ADCY3: variants seen among roughly 807,000 people sequenced by gnomAD.
ADCY3 encodes adenylate cyclase type 3.
Under a neutral mutation model 119.4 loss-of-function variants are expected in ADCY3, and 70 were observed. The ratio of observed to expected loss-of-function variants is 0.59; its 90% CI spans 0.48 to 0.72. The LOEUF is 0.72. Ranked by LOEUF, ADCY3 falls within the 30% of genes least tolerant of loss-of-function variation. The probability of loss-of-function intolerance (pLI) is 0.00; values close to 1 mark genes in which losing one functional copy is unlikely to be tolerated. For synonymous variants in ADCY3, 672 were observed against 621.4 expected, an observed-to-expected ratio of 1.08 and a Z score of -1.21; for missense variants, 1,238 against 1,541.6, an observed-to-expected ratio of 0.80 and a Z score of 3.30.
At chr2:24,896,468 C>CT (rs371582122) in intron 2 of ADCY3, among the ~76,000 whole-genome samples, 35 of 151,166 alleles carry the variant, frequency 2.3e-4, no homozygotes, top group African/African-American at 8.0e-4. Flanking sequence ...CTATTGACCA[C>CT]TTTTTTTTTG....
chr2:24,868,806 G>C (rs1036115167), intron 3 of ADCY3, among the ~76,000 whole-genome samples: 3 of 151,988 alleles, frequency 2.0e-5, no homozygotes, highest in Non-Finnish European at 4.4e-5. Context: ...CACAAGGTCA[G>C]GAGATGGAGA....
intron 2 of ADCY3, among the ~76,000 whole-genome samples, chr2:24,880,058 C>A (rs1441638426): frequency 6.6e-6 from 1 of 152,222 alleles, no homozygotes; most frequent in Non-Finnish European, 1.5e-5. Context: ...GTGCTGCTGC[C>A]ATGCCCTTCC....
At chr2:24,839,286 G>C (rs1271718803) in intron 7 of ADCY3, among the ~76,000 whole-genome samples, 2 of 152,180 alleles carry the variant, frequency 1.3e-5, no homozygotes, top group Non-Finnish European at 1.5e-5. Flanking sequence ...CTGCTGCCAA[G>C]AGATAATAAA....
At chr2:24,823,101 T>G in intron 18 of ADCY3, 108 bp downstream of exon 18, 3 of 1,373,898 alleles carry the variant, frequency 2.2e-6, no homozygotes, top group Middle Eastern at 5.3e-4. Context: ...GGAAGGGGCT[T>G]ATCTGGGAAA....
At position 24,824,452 on chromosome 2, in the gene ADCY3, T is replaced by G; in HGVS notation, c.2662A>C (p.Asn888His). Residue 888 changes from asparagine to histidine, a missense_variant, in exon 17 of 22, where the codon AAC becomes CAC. Transcript: ENST00000679454. ...KERVYEMRRWNEALVTNMLPE... is the reference protein window; with the variant it reads ...KERVYEMRRWHEALVTNMLPE... ...AACATGTTGGTGACCAAGGCCTCGT[T>G]CCAGCGTCGCATCTCATAGACACGT... 1 of 1,614,264 alleles carries G rather than the reference T, an allele frequency of 6.2e-7. No individual in the cohort carries two copies. Among genetic ancestry groups the G allele is most frequent in the Non-Finnish European group, 8.5e-7 (1 of 1,180,050 alleles).
chr2:24,845,823 G>A (rs766177595), intron 3 of ADCY3, among the ~76,000 whole-genome samples: 1 of 152,196 alleles, frequency 6.6e-6, no homozygotes, highest in South Asian at 2.1e-4. Context: ...AAGTAGTTTC[G>A]TGGGCCAGGC....
At chr2:24,916,167 GT>G (rs1401166287) in intron 2 of ADCY3, among the ~76,000 whole-genome samples, 1 of 152,146 alleles carries the variant, frequency 6.6e-6, no homozygotes, top group African/African-American at 2.4e-5. Context: ...TGTTTTCTAA[GT>G]TTTAGGGTTT....
At chr2:24,840,450 G>T in intron 6 of ADCY3, 1 of 399,144 alleles carries the variant, frequency 2.5e-6, no homozygotes, top group South Asian at 1.9e-5. Context: ...GAGAATGTTA[G>T]AGTTCCTGGA....
At chr2:24,896,103 G>A (rs1032691667) in intron 2 of ADCY3, among the ~76,000 whole-genome samples, 8 of 151,950 alleles carry the variant, frequency 5.3e-5, no homozygotes, top group Non-Finnish European at 7.4e-5. Context: ...AGTTATATTC[G>A]GGCTGTGCAC....
At chr2:24,855,990 G>A (rs11684619) in intron 3 of ADCY3, among the ~76,000 whole-genome samples, 48,771 of 152,130 alleles carry the variant, frequency 0.32, 7,980 homozygotes, top group South Asian at 0.4. Flanking sequence ...CCAGGGGCCC[G>A]AGCTGTTACA....
At chr2:24,854,264 T>A (rs1429283306) in intron 3 of ADCY3, among the ~76,000 whole-genome samples, 3 of 152,200 alleles carry the variant, frequency 2.0e-5, no homozygotes, top group African/African-American at 7.2e-5. Context: ...TAATGACTAA[T>A]CCCAAAGGTG....
At chr2:24,822,307 A>T (rs1455824587) in intron 19 of ADCY3, 1 of 652,126 alleles carries the variant, frequency 1.5e-6, no homozygotes, top group Non-Finnish European at 2.5e-6. Context: ...TGTGAACAGC[A>T]GGGGGTTGTG....
intron 2 of ADCY3, among the ~76,000 whole-genome samples, chr2:24,906,564 A>C (rs1463473822): frequency 6.6e-6 from 1 of 152,264 alleles, no homozygotes; most frequent in African/African-American, 2.4e-5. Context: ...AGGGTTGTCC[A>C]CAGTAGAAAA....
In ADCY3 at chr2:24,821,674, G is replaced by T. The variant is rs201480364; in HGVS notation, c.3004-34C>A. On this transcript the variant is annotated intron_variant, in intron 19 of 21. Coordinates refer to ENST00000679454, the MANE Select transcript of ADCY3 (RefSeq NM_004036.5). ...GGGGACCGTGGAGAAAGTGTCAGGG[G>T]CCGCTCACTGCAGCAGCCTGCTCTG... 1.9e-6 allele frequency: 3 copies of T among 1,610,010 alleles called. No individual in the cohort carries two copies. The African/African-American group carries it at 4.0e-5, about 21-fold the overall frequency.
chr2:24,916,119 G>A (rs1200745874), intron 2 of ADCY3, among the ~76,000 whole-genome samples: 1 of 152,214 alleles, frequency 6.6e-6, no homozygotes, highest in African/African-American at 2.4e-5. Flanking sequence ...CCCCTGGGAT[G>A]CTAATATTTT....
chr2:24,908,563 A>G (rs1277620150), intron 2 of ADCY3, among the ~76,000 whole-genome samples: 5 of 152,194 alleles, frequency 3.3e-5, no homozygotes, highest in African/African-American at 9.7e-5. Context: ...TAAATGTAAT[A>G]AAGAAATAAC....
intron 2 of ADCY3, among the ~76,000 whole-genome samples, chr2:24,876,358 T>C (rs1464655911): frequency 6.6e-6 from 1 of 152,216 alleles, no homozygotes; most frequent in Non-Finnish European, 1.5e-5. Context: ...AGGTGTGAGC[T>C]GCACGCATTT....
chr2:24,883,894 A>C (rs1676703222), intron 2 of ADCY3, among the ~76,000 whole-genome samples: 2 of 152,226 alleles, frequency 1.3e-5, no homozygotes, highest in South Asian at 4.1e-4. Context: ...TTGGATTCCA[A>C]AACTTCCTAC....
intron 3 of ADCY3, among the ~76,000 whole-genome samples, chr2:24,861,730 T>C (rs1339899324): frequency 6.6e-6 from 1 of 152,164 alleles, no homozygotes; most frequent in African/African-American, 2.4e-5. Context: ...CCCAATGCCT[T>C]GGGAGGGAGT....
Sources: gnomAD v4.1 joint callset for allele counts (sites outside exome capture counted in the v4.1 genomes callset) on GRCh38, gnomAD v4.1.1 for gene constraint, MANE v1.5 for transcripts, NCBI Gene and HGNC (gene_info 2026-07-23, HGNC 2026-07-21) for gene names.